Variants in GSG1L observed in about 807,000 individuals in gnomAD.
GSG1L encodes GSG1 like.
GSG1L carries 24 observed loss-of-function variants against 42.1 expected under a neutral mutation model. The observed-to-expected ratio is 0.57, with a 90% CI of 0.41 to 0.80. The LOEUF is 0.80. Ranked by LOEUF, GSG1L falls within the 30% of genes least tolerant of loss-of-function variation. The probability of loss-of-function intolerance (pLI) is 0.00; values close to 1 mark genes in which losing one functional copy is unlikely to be tolerated. For missense variants in GSG1L, 445 were observed against 472.2 expected (o/e 0.94, Z 0.53); for synonymous variants, 215 against 203.5 (o/e 1.06, Z -0.48).
chr16:28,063,472 C>A lies in GSG1L; in HGVS notation c.-48G>T, dbSNP rs2086370201. ...GACTGCACCGCCGGGGAGCTCCGCG[C>A]GCGAAGTTGGCAGCTGGCGCCCCGC... is the stretch of plus-strand genomic sequence containing the variant. On this transcript the variant is annotated 5_prime_UTR_variant, in exon 1 of 7. Coordinates refer to ENST00000447459, the MANE Select transcript of GSG1L (RefSeq NM_001109763.2). The surrounding 1 kb of genome is among the most constrained non-coding windows in gnomAD (Gnocchi z 5.8). 3.6e-6 allele frequency: 4 copies of A among 1,123,300 alleles called. No individual in the cohort carries two copies. The highest frequency in any genetic ancestry group is 2.2e-6 in the Non-Finnish European group (2 of 914,738). The allele number at this position is 1,123,300 out of a possible 1,614,324, so 69.6% of individuals were successfully genotyped here.
chr16:27,875,644 T>C (rs1367519105), intron 3 of GSG1L, among the ~76,000 whole-genome samples: 1 of 152,214 alleles, frequency 6.6e-6, no homozygotes, highest in Non-Finnish European at 1.5e-5. Context: ...GCTTGGTCCA[T>C]GACTGAGCCC....
At chr16:27,999,709 C>G (rs2085560929) in intron 1 of GSG1L, among the ~76,000 whole-genome samples, 1 of 152,170 alleles carries the variant, frequency 6.6e-6, no homozygotes, top group South Asian at 2.1e-4. Flanking sequence ...TTAATACTAG[C>G]TGCTGTTACA....
Position 27,788,196 on chromosome 16 carries a change from C to G in GSG1L, c.*3174G>C, listed in dbSNP as rs733682. On this transcript the variant is annotated 3_prime_UTR_variant, in exon 7 of 7. Coordinates refer to ENST00000447459, the MANE Select transcript of GSG1L (RefSeq NM_001109763.2). ...GAGAGTCGTCACCAACTTTCCTCTT[C>G]TCCCACTCAGTCTATTCCCTCCTAA... 25,723 of 152,078 alleles carry G rather than the reference C, an allele frequency of 0.17. 2,200 individuals carry two copies. Among genetic ancestry groups the G allele is most frequent in the African/African-American group, 0.21 (8,526 of 41,436 alleles). The allele number at this position is 152,078 out of a possible 1,614,324, so 9.4% of individuals were successfully genotyped here. A position where few individuals can be genotyped will look rare whatever the true frequency, so the allele number is the denominator to read the frequency against.
At chr16:28,014,072 A>G (rs1596701648) in intron 1 of GSG1L, among the ~76,000 whole-genome samples, 1 of 152,162 alleles carries the variant, frequency 6.6e-6, no homozygotes, top group Admixed American at 6.5e-5. Flanking sequence ...AAGCCTCCAT[A>G]TTGCAGGATC....
intron 2 of GSG1L, among the ~76,000 whole-genome samples, chr16:27,915,518 T>G (rs1007013248): frequency 6.6e-6 from 1 of 152,218 alleles, no homozygotes; most frequent in African/African-American, 2.4e-5. Flanking sequence ...CAGTCGTTCA[T>G]TCACTCACTC....
chr16:27,882,421 G>C (rs187308303), intron 3 of GSG1L, among the ~76,000 whole-genome samples: 2 of 148,574 alleles, frequency 1.3e-5, no homozygotes, highest in Non-Finnish European at 3.0e-5. Flanking sequence ...CTCTTCAGTG[G>C]CTCCCTATTG....
intron 1 of GSG1L, among the ~76,000 whole-genome samples, chr16:27,969,722 C>T (rs1278588009): frequency 6.6e-6 from 1 of 152,086 alleles, no homozygotes; most frequent in Non-Finnish European, 1.5e-5. Flanking sequence ...GGTATATACC[C>T]AGGAATAGAA....
intron 1 of GSG1L, among the ~76,000 whole-genome samples, chr16:27,990,758 C>T (rs373793102): frequency 2.6e-5 from 4 of 152,202 alleles, no homozygotes; most frequent in East Asian, 1.9e-4. Context: ...CAAGTCTTTG[C>T]TATTGTGAAT....
chr16:28,022,626 C>T (rs2085857039), intron 1 of GSG1L, among the ~76,000 whole-genome samples: 2 of 152,146 alleles, frequency 1.3e-5, no homozygotes, highest in South Asian at 4.1e-4. Context: ...CGTGCACCAC[C>T]ACGCCCAGCT....
intron 2 of GSG1L, among the ~76,000 whole-genome samples, chr16:27,946,575 AAGAAAGAGAGAGAGAGAGAGAGAGAG>A (rs1567529717): frequency 0.017 from 428 of 25,126 alleles, 14 homozygotes; most frequent in Non-Finnish European, 0.026. Flanking sequence ...GAAAGAAAGA[AAGAAAGAGAGAGAGAGAGAGAGAGAG>A]AGAGAGAGAG....
At chr16:28,007,552 A>C (rs1239804996) in intron 1 of GSG1L, among the ~76,000 whole-genome samples, 1 of 152,122 alleles carries the variant, frequency 6.6e-6, no homozygotes, top group East Asian at 1.9e-4. Flanking sequence ...TTGCTCTGTC[A>C]CCCAGGCTGG....
At chr16:27,806,371 G>C (rs1311061826) in intron 6 of GSG1L, among the ~76,000 whole-genome samples, 1 of 152,210 alleles carries the variant, frequency 6.6e-6, no homozygotes, top group Non-Finnish European at 1.5e-5. Flanking sequence ...ACAGGATTTG[G>C]AATCAGACAG....
At chr16:27,978,749 A>G (rs1159651079) in intron 1 of GSG1L, among the ~76,000 whole-genome samples, 1 of 150,762 alleles carries the variant, frequency 6.6e-6, no homozygotes, top group Non-Finnish European at 1.5e-5. Context: ...TGGGACTGGG[A>G]GTAAATAATG....
intron 3 of GSG1L, among the ~76,000 whole-genome samples, chr16:27,863,971 G>A (rs565577736): frequency 4.9e-4 from 75 of 152,308 alleles, no homozygotes; most frequent in African/African-American, 1.7e-3. Context: ...GCATTATACA[G>A]AGCATGATCC....
At chr16:27,859,862 C>T (rs867311324) in intron 3 of GSG1L, among the ~76,000 whole-genome samples, 1 of 150,028 alleles carries the variant, frequency 6.7e-6, no homozygotes, top group Non-Finnish European at 1.5e-5. Flanking sequence ...TTCATTTTTG[C>T]GCAGAAACAG....
At chr16:27,959,596 A>G (rs1344373708) in intron 2 of GSG1L, among the ~76,000 whole-genome samples, 1 of 151,702 alleles carries the variant, frequency 6.6e-6, no homozygotes, top group Non-Finnish European at 1.5e-5. Flanking sequence ...GGACGGGAGA[A>G]AGGAAGAAAG....
intron 1 of GSG1L, among the ~76,000 whole-genome samples, chr16:28,015,102 G>C (rs1264311056): frequency 6.6e-6 from 1 of 152,214 alleles, no homozygotes; most frequent in Non-Finnish European, 1.5e-5. Flanking sequence ...AGAGACAAAA[G>C]TCTTAAAGGC....
intron 2 of GSG1L, among the ~76,000 whole-genome samples, chr16:27,901,207 C>T (rs1292474205): frequency 1.3e-5 from 2 of 152,184 alleles, no homozygotes; most frequent in Non-Finnish European, 2.9e-5. Context: ...AGATCTAGTG[C>T]ACGTCTAATA....
At chr16:28,018,613 T>C (rs534620787) in intron 1 of GSG1L, among the ~76,000 whole-genome samples, 1 of 152,156 alleles carries the variant, frequency 6.6e-6, no homozygotes, top group East Asian at 1.9e-4. Context: ...AGTCTCCTTG[T>C]CAGGTAGACA....
Sources: gnomAD v4.1 joint callset for allele counts (sites outside exome capture counted in the v4.1 genomes callset) on GRCh38, gnomAD v4.1.1 for gene constraint, Gnocchi (gnomAD v3.1) non-coding constraint, MANE v1.5 for transcripts, NCBI Gene and HGNC (gene_info 2026-07-23, HGNC 2026-07-21) for gene names.